The following IPCEF1 variants were observed in gnomAD, a reference collection of about 807,000 sequenced individuals.
IPCEF1 encodes the protein interactor protein for cytohesin exchange factors 1.
In IPCEF1, 31 loss-of-function variants were observed where a neutral mutation model predicts 50.9. That is an observed-to-expected ratio of 0.61 (90% CI 0.46 to 0.82). The LOEUF (loss-of-function observed/expected upper bound fraction) is 0.82. IPCEF1 is among the 40% of genes least tolerant of loss of function. IPCEF1 has a pLI of 0.00. For synonymous variants in IPCEF1, 181 were observed against 192.0 expected, an observed-to-expected ratio of 0.94 and a Z score of 0.47; for missense variants, 458 against 514.0, an observed-to-expected ratio of 0.89 and a Z score of 1.05.
In IPCEF1 at chr6:154,310,893, C is replaced by T. The variant is rs562305969; in HGVS notation, c.-61-21137G>A. On this transcript the variant is annotated intron_variant, in intron 1 of 11. Coordinates refer to ENST00000367220, the MANE Select transcript of IPCEF1 (RefSeq NM_001130700.2). ...GAAAGGGAAGATGGTGATCAAAGGG[C>T]ACAGAGTTTTAGTTAGACTGGAGGA... Among the ~76,000 whole-genome samples the T allele has an allele frequency of 2.8e-4, 43 of 152,244 alleles. 1 individual carries two copies. The South Asian group carries it at 6.6e-3, about 23-fold the overall frequency.
At chr6:154,294,753 G>T (rs1782597170) in intron 1 of IPCEF1, among the ~76,000 whole-genome samples, 1 of 152,020 alleles carries the variant, frequency 6.6e-6, no homozygotes, top group South Asian at 2.1e-4. Flanking sequence ...CAAAGTGTCT[G>T]CGAGCCTAAT....
rs1798861967 is a variant in IPCEF1, at chr6:154,159,815, C to A, written c.*13G>T. 1.3e-6 allele frequency: 2 copies of A among 1,596,274 alleles called. No individual in the cohort carries two copies. Among genetic ancestry groups the A allele is most frequent in the Non-Finnish European group, 1.7e-6 (2 of 1,166,948 alleles). ...TGTGATAAAATATAAGAGGAGAAAA[C>A]CCTGACTTTGTCTCAAATGGAATTT... On this transcript the variant is annotated 3_prime_UTR_variant, in exon 12 of 12. Transcript: ENST00000367220.
At chr6:154,181,475 T>C (rs755754859) in intron 10 of IPCEF1, among the ~76,000 whole-genome samples, 1 of 152,244 alleles carries the variant, frequency 6.6e-6, no homozygotes, top group Non-Finnish European at 1.5e-5. Flanking sequence ...AATACTATGC[T>C]TTAAATTTAC....
chr6:154,356,220 C>A (rs1784215134), intron 1 of IPCEF1, among the ~76,000 whole-genome samples: 1 of 152,170 alleles, frequency 6.6e-6, no homozygotes, highest in African/African-American at 2.4e-5. Flanking sequence ...GATATTTTGG[C>A]AAGCCTGAGA....
Position 154,159,639 on chromosome 6 carries a change from C to A in IPCEF1, c.*189G>T. The A allele has an allele frequency of 5.0e-6, 3 of 596,410 alleles. No individual in the cohort carries two copies. The highest frequency in any genetic ancestry group is 3.4e-5 in the Admixed American group (1 of 29,748). The allele number at this position is 596,410 out of a possible 1,614,324, so 36.9% of individuals were successfully genotyped here. On this transcript the variant is annotated 3_prime_UTR_variant, in exon 12 of 12. Coordinates refer to ENST00000367220, the MANE Select transcript of IPCEF1 (RefSeq NM_001130700.2). ...TCAATCATTCCAATCTCAATGGATG[C>A]GTTACGACTGAAATGAGGAGCCCTG...
rs200271182 is a variant in IPCEF1 at position 154,235,544 on chromosome 6, A to AT, written c.246+11046_246+11047insA. Among the ~76,000 whole-genome samples the AT allele has an allele frequency of 5.1e-3, 773 of 150,218 alleles. 35 individuals are homozygous for AT. In the East Asian group the frequency reaches 0.12, roughly 24 times the overall value. The stretch of plus-strand genomic sequence containing the variant: ...AAAACTCTGTCACAAAAAAAAAAAA[A>AT]AAAAAAAGTAATGAAGACAAAGTTA... On this transcript the variant is annotated intron_variant, in intron 5 of 11. Transcript: ENST00000367220.
chr6:154,214,255 C>T lies in IPCEF1; in HGVS notation c.414G>A (p.Ser138=), dbSNP rs775746013. Residue 138 remains serine (S), a synonymous_variant, in exon 8 of 12, where the codon TCG becomes TCA. Transcript: ENST00000367220. ...EMNVWLNKLG[S]AVIHQESTTK... ...TAGTGGATTCCTGATGGATTACAGC[C>T]GATCCAAGTTTATTTAACCACCTAA... The T allele has an allele frequency of 8.5e-5, 137 of 1,610,838 alleles. No homozygotes were observed. Among genetic ancestry groups the T allele is most frequent in the Non-Finnish European group, 1.1e-4 (131 of 1,177,218 alleles).
intron 9 of IPCEF1, among the ~76,000 whole-genome samples, chr6:154,206,533 A>G (rs775073525): frequency 1.3e-5 from 2 of 152,240 alleles, no homozygotes; most frequent in Non-Finnish European, 2.9e-5. Context: ...TCTGACTTTA[A>G]GAATTTAATA....
At chr6:154,226,807 A>T (rs1352964805) in intron 5 of IPCEF1, among the ~76,000 whole-genome samples, 1 of 151,838 alleles carries the variant, frequency 6.6e-6, no homozygotes, top group Non-Finnish European at 1.5e-5. Context: ...AGGATGAAAG[A>T]CCCTTTATAA....
intron 10 of IPCEF1, among the ~76,000 whole-genome samples, chr6:154,182,254 C>G (rs964282545): frequency 6.6e-6 from 1 of 152,104 alleles, no homozygotes; most frequent in Non-Finnish European, 1.5e-5. Context: ...GAGTCATGTA[C>G]GTATCTTCTT....
chr6:154,199,781 G>C lies in IPCEF1; in HGVS notation c.797C>G (p.Ser266Ter). 6.2e-7 allele frequency: 1 copy of C among 1,614,226 alleles called. No individual in the cohort carries two copies. Among genetic ancestry groups the C allele is most frequent in the Middle Eastern group, 1.6e-4 (1 of 6,062 alleles). Residue 266 changes from serine (S) to a stop codon, truncating the protein, a stop_gained, in exon 10 of 12, where the codon TCA becomes TGA. Transcript: ENST00000367220. LOFTEE classifies it high-confidence loss of function. ...HKALENSFVT[S>*]ESGFLNSLSS... Reference sequence around the variant, plus strand: ...TAAAGAGTTCAAAAATCCACTTTCTGATGTGACAAAACTGTTTTCCAGGGC... The same window carrying C: ...TAAAGAGTTCAAAAATCCACTTTCTCATGTGACAAAACTGTTTTCCAGGGC...
At chr6:154,296,874 T>C (rs1583960579) in intron 1 of IPCEF1, among the ~76,000 whole-genome samples, 1 of 147,268 alleles carries the variant, frequency 6.8e-6, no homozygotes. Flanking sequence ...TCCTCAACGG[T>C]TTTGGATAAA....
chr6:154,326,591 C>T (rs1396765603), intron 1 of IPCEF1, among the ~76,000 whole-genome samples: 4 of 152,176 alleles, frequency 2.6e-5, no homozygotes, highest in Non-Finnish European at 2.9e-5. Context: ...AAAAACATTC[C>T]ATGCTCTTGA....
chr6:154,295,070 C>T (rs1461031512), intron 1 of IPCEF1, among the ~76,000 whole-genome samples: 1 of 151,914 alleles, frequency 6.6e-6, no homozygotes, highest in African/African-American at 2.4e-5. Flanking sequence ...TGGTGGCGGT[C>T]CCCTGTGGTC....
intron 10 of IPCEF1, among the ~76,000 whole-genome samples, chr6:154,183,573 G>A (rs1801080035): frequency 6.6e-6 from 1 of 152,126 alleles, no homozygotes; most frequent in Admixed American, 6.6e-5. Flanking sequence ...TGCTATAAAG[G>A]TATGTTCTAA....
intron 1 of IPCEF1, among the ~76,000 whole-genome samples, chr6:154,328,944 G>A (rs1355731158): frequency 6.6e-6 from 1 of 152,120 alleles, no homozygotes; most frequent in African/African-American, 2.4e-5. Context: ...GTCATATGAA[G>A]TGATACTCAA....
intron 1 of IPCEF1, among the ~76,000 whole-genome samples, chr6:154,349,125 G>A (rs1044194463): frequency 1.7e-4 from 26 of 151,752 alleles, no homozygotes; most frequent in Non-Finnish European, 1.9e-4. Context: ...AGGTTCCTGG[G>A]AAATGTTTTG....
At chr6:154,252,686 AAAAAG>A (rs1406249817) in intron 3 of IPCEF1, among the ~76,000 whole-genome samples, 1 of 152,200 alleles carries the variant, frequency 6.6e-6, no homozygotes, top group African/African-American at 2.4e-5. Flanking sequence ...AAAAACAAAA[AAAAAG>A]AAAAGAAAAA....
intron 1 of IPCEF1, among the ~76,000 whole-genome samples, chr6:154,347,300 C>G (rs1784049493): frequency 1.3e-5 from 2 of 152,192 alleles, no homozygotes; most frequent in Admixed American, 1.3e-4. Context: ...GGCTCAAATT[C>G]TGACCCCAGA....
Sources: allele counts gnomAD v4.1 joint callset (sites outside exome capture counted in the v4.1 genomes callset), GRCh38; gene constraint gnomAD v4.1.1; transcripts MANE v1.5; gene names NCBI Gene and HGNC (gene_info 2026-07-23, HGNC 2026-07-21).